Variants in GOLIM4 observed in about 807,000 individuals in gnomAD.
The protein encoded by GOLIM4 is 130 kDa golgi-localized phosphoprotein.
In GOLIM4, 71 loss-of-function variants were observed where a neutral mutation model predicts 107.4. The observed-to-expected ratio is 0.66, with a 90% CI of 0.55 to 0.81. GOLIM4 has a LOEUF of 0.81. Ranked by LOEUF, GOLIM4 falls within the 30% of genes least tolerant of loss-of-function variation. The pLI, the probability that GOLIM4 is intolerant of heterozygous loss-of-function variation, is 0.00. For synonymous variants in GOLIM4, 327 were observed against 294.8 expected, an observed-to-expected ratio of 1.11 and a Z score of -1.12; for missense variants, 830 against 826.1, an observed-to-expected ratio of 1.00 and a Z score of -0.06.
chr3:168,044,589 C>T (rs915649734), intron 4 of GOLIM4, among the ~76,000 whole-genome samples: 20 of 151,892 alleles, frequency 1.3e-4, no homozygotes, highest in African/African-American at 4.8e-4. Flanking sequence ...ATGAGGTAAC[C>T]GAGAGCCTGA....
chr3:168,033,117 A>C (rs931433789), intron 8 of GOLIM4, among the ~76,000 whole-genome samples: 1 of 152,208 alleles, frequency 6.6e-6, no homozygotes, highest in Non-Finnish European at 1.5e-5. Context: ...CAAGTAACCA[A>C]TATCTCAGAA....
chr3:168,088,924 C>A (rs1418391355), intron 1 of GOLIM4, among the ~76,000 whole-genome samples: 1 of 152,152 alleles, frequency 6.6e-6, no homozygotes, highest in African/African-American at 2.4e-5. Flanking sequence ...ACTAAAGGCT[C>A]CCAGATAACA....
In GOLIM4 at chr3:168,024,560, A is replaced by T. The variant is rs1717890369; in HGVS notation, c.1826T>A (p.Val609Asp). 1 of 1,613,572 alleles carries T rather than the reference A, an allele frequency of 6.2e-7. No individual in the cohort carries two copies. Among genetic ancestry groups the T allele is most frequent in the Non-Finnish European group, 8.5e-7 (1 of 1,179,528 alleles). Reference protein sequence around the residue: ...AGNPDQQEDNVDEQYQEEAEE... With the variant: ...AGNPDQQEDNDDEQYQEEAEE... ...TGCCTCTTCCTGGTACTGTTCATCAACATTGTCCTCCTGCTGGTCTGGATT... is the reference window on the plus strand; with the variant it reads ...TGCCTCTTCCTGGTACTGTTCATCATCATTGTCCTCCTGCTGGTCTGGATT... Residue 609 changes from valine (V) to aspartate (D), a missense_variant, in exon 14 of 16, where the codon GTT becomes GAT. Val to Asp is a radical substitution (Grantham distance 152). Coordinates refer to ENST00000470487, the MANE Select transcript of GOLIM4 (RefSeq NM_014498.5).
chr3:168,019,432 T>A (rs1412175639), intron 14 of GOLIM4, among the ~76,000 whole-genome samples: 1 of 152,216 alleles, frequency 6.6e-6, no homozygotes, highest in Non-Finnish European at 1.5e-5. Context: ...TCACACCTGA[T>A]AAAATAATTC....
At chr3:168,061,880 GTGT>G (rs1254739813) in intron 1 of GOLIM4, among the ~76,000 whole-genome samples, 1 of 152,128 alleles carries the variant, frequency 6.6e-6, no homozygotes, top group African/African-American at 2.4e-5. Flanking sequence ...CATGCTGGTG[GTGT>G]TCTGATTCTT....
intron 1 of GOLIM4, among the ~76,000 whole-genome samples, chr3:168,056,109 C>G (rs1719952375): frequency 6.6e-6 from 1 of 152,218 alleles, no homozygotes; most frequent in South Asian, 2.1e-4. Flanking sequence ...GCCCAGGGTC[C>G]CTGTGCTGTG....
chr3:168,019,545 C>A (rs998381182), intron 14 of GOLIM4, among the ~76,000 whole-genome samples: 1 of 152,098 alleles, frequency 6.6e-6, no homozygotes, highest in Non-Finnish European at 1.5e-5. Flanking sequence ...GAAAAGAACA[C>A]ATAACATGGG....
intron 4 of GOLIM4, 139 bp from the exon 5 acceptor site, chr3:168,043,668 G>A (rs759763946): frequency 2.4e-5 from 14 of 588,888 alleles, no homozygotes; most frequent in Non-Finnish European, 3.3e-5. Flanking sequence ...TTTTTCTCAA[G>A]TTGCTTTAAT....
At chr3:168,041,644 G>A (rs956341527) in intron 5 of GOLIM4, among the ~76,000 whole-genome samples, 170 bp from the exon 6 acceptor site, 16 of 152,088 alleles carry the variant, frequency 1.1e-4, no homozygotes, top group African/African-American at 3.9e-4. Context: ...ATGTAGCATG[G>A]TTTTAGCTGG....
At chr3:168,078,297 G>A (rs1577571295) in intron 1 of GOLIM4, among the ~76,000 whole-genome samples, 2 of 151,834 alleles carry the variant, frequency 1.3e-5, no homozygotes, top group Non-Finnish European at 2.9e-5. Flanking sequence ...TAATTTGTAT[G>A]GTAGCAAACT....
At chr3:168,063,727 G>A (rs568564060) in intron 1 of GOLIM4, among the ~76,000 whole-genome samples, 1 of 126,020 alleles carries the variant, frequency 7.9e-6, no homozygotes. Context: ...GGGAGTGGGG[G>A]AGGGGGGTGG....
At chr3:168,063,493 A>G (rs1009426793) in intron 1 of GOLIM4, among the ~76,000 whole-genome samples, 1 of 152,168 alleles carries the variant, frequency 6.6e-6, no homozygotes, top group South Asian at 2.1e-4. Context: ...CAGAAAATGA[A>G]TATTTTCCTG....
At chr3:168,041,258 A>G in intron 6 of GOLIM4, 134 bp downstream of exon 6, 2 of 604,786 alleles carry the variant, frequency 3.3e-6, no homozygotes, top group Admixed American at 2.9e-5. Context: ...TATTAGGTAC[A>G]CTCTAGTTAA....
intron 1 of GOLIM4, among the ~76,000 whole-genome samples, chr3:168,084,829 G>A (rs1326640560): frequency 1.3e-5 from 2 of 152,120 alleles, no homozygotes; most frequent in Non-Finnish European, 2.9e-5. Flanking sequence ...GAAGGCTGAT[G>A]GAAGGGCTTA....
chr3:168,066,992 C>T (rs1344498161), intron 1 of GOLIM4, among the ~76,000 whole-genome samples: 1 of 152,188 alleles, frequency 6.6e-6, no homozygotes, highest in East Asian at 1.9e-4. Flanking sequence ...TTGAAATTTA[C>T]TTTTAAATCC....
At chr3:168,085,522 G>A (rs1721576958) in intron 1 of GOLIM4, among the ~76,000 whole-genome samples, 1 of 152,194 alleles carries the variant, frequency 6.6e-6, no homozygotes, top group Non-Finnish European at 1.5e-5. Context: ...TGAGAAGATT[G>A]TATCAGCAGA....
At chr3:168,089,921 C>T (rs1007427571) in intron 1 of GOLIM4, among the ~76,000 whole-genome samples, 1 of 152,086 alleles carries the variant, frequency 6.6e-6, no homozygotes, top group South Asian at 2.1e-4. Flanking sequence ...GCATGTGCCA[C>T]CACACCTGGC....
intron 14 of GOLIM4, among the ~76,000 whole-genome samples, chr3:168,020,375 T>C (rs1051525275): frequency 6.6e-6 from 1 of 152,170 alleles, no homozygotes; most frequent in East Asian, 1.9e-4. Context: ...CTAAACAGTA[T>C]GATCCTGAGC....
At chr3:168,029,031 G>C (rs1718161590) in intron 11 of GOLIM4, among the ~76,000 whole-genome samples, 192 bp downstream of exon 11, 1 of 152,158 alleles carries the variant, frequency 6.6e-6, no homozygotes, top group Non-Finnish European at 1.5e-5. Flanking sequence ...AGAGGAAACA[G>C]ATTATCTTGA....
Sources: gnomAD v4.1 joint callset for allele counts (sites outside exome capture counted in the v4.1 genomes callset) on GRCh38, gnomAD v4.1.1 for gene constraint, MANE v1.5 for transcripts, NCBI Gene and HGNC (gene_info 2026-07-23, HGNC 2026-07-21) for gene names.